VPS53: variants seen among roughly 807,000 people sequenced by gnomAD.
VPS53 encodes VPS53 subunit of GARP complex.
Under a neutral mutation model 107.0 loss-of-function variants are expected in VPS53, and 70 were observed. The observed-to-expected ratio is 0.65, with a 90% CI of 0.54 to 0.80. The LOEUF (loss-of-function observed/expected upper bound fraction) is 0.80. Ranked by LOEUF, VPS53 falls within the 30% of genes least tolerant of loss-of-function variation. The pLI is 0.00. For synonymous variants in VPS53, 409 were observed against 393.3 expected (o/e 1.04, Z -0.47); for missense variants, 917 against 1,049.4 (o/e 0.87, Z 1.74).
At chr17:610,772 T>A (rs202023368) in intron 11 of VPS53, among the ~76,000 whole-genome samples, 11,415 of 103,216 alleles carry the variant, frequency 0.11, 543 homozygotes, top group Non-Finnish European at 0.15. Flanking sequence ...AAAAAAAAAA[T>A]ACAAAAAATA....
chr17:653,062 C>T (rs972992388), intron 7 of VPS53, among the ~76,000 whole-genome samples: 6 of 152,236 alleles, frequency 3.9e-5, no homozygotes, highest in African/African-American at 1.2e-4. Flanking sequence ...GTTTAGCTGC[C>T]GGATCTGCGG....
rs570245375 is a variant in VPS53 at position 652,560 on chromosome 17, C to T, written c.608+731G>A. Among the ~76,000 whole-genome samples, 8 of 152,258 alleles carry T rather than the reference C, an allele frequency of 5.3e-5. No individual in the cohort carries two copies. The South Asian group carries it at 1.5e-3, about 28-fold the overall frequency. On this transcript the variant is annotated intron_variant, in intron 7 of 21. Coordinates refer to ENST00000437048, the MANE Select transcript of VPS53 (RefSeq NM_001128159.3). ...GCCCGTGGAAGACAACAAAGAATCC[C>T]AGCAACGGCCTGGCCAAGCTCCCAG...
At chr17:541,383 A>ATGTT (rs541409723) in intron 17 of VPS53, among the ~76,000 whole-genome samples, 91 of 152,334 alleles carry the variant, frequency 6.0e-4, no homozygotes, top group Non-Finnish European at 1.2e-3. Flanking sequence ...GGCTGAAGGA[A>ATGTT]TGTTTATCAA....
At chr17:635,372 T>C (rs563643821) in intron 7 of VPS53, among the ~76,000 whole-genome samples, 15 of 152,354 alleles carry the variant, frequency 9.8e-5, no homozygotes, top group African/African-American at 3.4e-4. Flanking sequence ...TCATAGTTTC[T>C]TTTGCTGTGC....
chr17:709,760 C>G (rs1416288968), intron 2 of VPS53, among the ~76,000 whole-genome samples: 2 of 152,218 alleles, frequency 1.3e-5, no homozygotes, highest in South Asian at 2.1e-4. Flanking sequence ...TGGTCTACTT[C>G]TCACCCAAAC....
chr17:696,077 T>TA (rs1398434365), intron 4 of VPS53, among the ~76,000 whole-genome samples: 5 of 151,750 alleles, frequency 3.3e-5, no homozygotes, highest in African/African-American at 9.7e-5. Context: ...TAACGAGGGC[T>TA]AAAAAAAATA....
At chr17:667,718 G>C (rs952597744) in intron 4 of VPS53, among the ~76,000 whole-genome samples, 2 of 151,426 alleles carry the variant, frequency 1.3e-5, no homozygotes, top group Non-Finnish European at 2.9e-5. Context: ...TTCTTGAATT[G>C]TTTAGTGCAG....
In VPS53 at chr17:653,397, G is replaced by A. The variant is rs781011484; in HGVS notation, c.502C>T (p.Arg168Ter). The change falls in exon 7 of 22, where the codon CGA becomes TGA. Residue 168 changes from arginine to a stop codon, truncating the protein, a stop_gained. Coordinates refer to ENST00000437048, the MANE Select transcript of VPS53 (RefSeq NM_001128159.3). LOFTEE classifies it high-confidence loss of function. The stretch of plus-strand genomic sequence containing the variant: ...TTAGCAACTTCTCCGTATTGTCTTC[G>A]CCTGGTCATGGCTCTGCAAGGAAAG... ...GVDSLEAMTR[R>*]RQYGEVANLL... 1.8e-5 allele frequency: 29 copies of A among 1,614,096 alleles called. No homozygotes were observed. Among genetic ancestry groups the A allele is most frequent in the South Asian group, 1.1e-5 (1 of 91,090 alleles).
At chr17:532,539 G>A (rs914871694) in intron 19 of VPS53, 34 of 414,002 alleles carry the variant, frequency 8.2e-5, no homozygotes, top group South Asian at 5.3e-4. Flanking sequence ...GGGTTACAGC[G>A]TGAGCCGCTG....
intron 4 of VPS53, among the ~76,000 whole-genome samples, chr17:691,724 G>A (rs1341948484): frequency 6.6e-6 from 1 of 152,170 alleles, no homozygotes; most frequent in Non-Finnish European, 1.5e-5. Flanking sequence ...TATCCATGCT[G>A]AATACAGCAC....
At chr17:576,883 G>A (rs560293294) in intron 13 of VPS53, among the ~76,000 whole-genome samples, 17 of 138,792 alleles carry the variant, frequency 1.2e-4, no homozygotes, top group Non-Finnish European at 2.6e-4. Context: ...AACCTAAAGC[G>A]TTCACAGAGA....
At chr17:544,741 T>C (rs540987609) in intron 17 of VPS53, among the ~76,000 whole-genome samples, 80 of 152,330 alleles carry the variant, frequency 5.3e-4, no homozygotes, top group Non-Finnish European at 8.4e-4. Context: ...AAGTGCTCAG[T>C]AAATAGTAAC....
intron 17 of VPS53, chr17:538,548 C>G (rs913967108): frequency 6.6e-6 from 1 of 152,188 alleles, no homozygotes; most frequent in African/African-American, 2.4e-5. Flanking sequence ...TCACATCGTA[C>G]GTGGATGATT....
intron 17 of VPS53, among the ~76,000 whole-genome samples, chr17:546,328 C>A (rs948182586): frequency 8.5e-6 from 1 of 117,774 alleles, no homozygotes; most frequent in Non-Finnish European, 1.7e-5. Context: ...TCTTAGATAT[C>A]TCACACACAC....
At position 573,072 on chromosome 17, in the gene VPS53, G is replaced by C. The variant is rs567439763; in HGVS notation, c.1314-10327C>G. 2.5e-4 allele frequency among the ~76,000 whole-genome samples: 38 copies of C among 152,290 alleles called. No individual in the cohort carries two copies. In the South Asian group the frequency reaches 2.7e-3, roughly 11 times the overall value. ...ATAAAATAATCAACAATGGTAATTA[G>C]TTTACAGACAGATGCTAGGCTCTAG... On this transcript the variant is annotated intron_variant, in intron 13 of 21. Coordinates refer to ENST00000437048, the MANE Select transcript of VPS53 (RefSeq NM_001128159.3).
intron 13 of VPS53, among the ~76,000 whole-genome samples, chr17:564,345 C>CTTGA (rs1555553121): frequency 6.6e-6 from 1 of 151,130 alleles, no homozygotes; most frequent in East Asian, 1.9e-4. Flanking sequence ...TCAAGACCAT[C>CTTGA]CTAACACGTT....
rs376733194 is a variant in VPS53 at position 671,302 on chromosome 17, G to T, written c.286-9407C>A. Among the ~76,000 whole-genome samples the T allele has an allele frequency of 1.5e-4, 22 of 147,730 alleles. 2 individuals carry two copies. Among genetic ancestry groups the T allele is most frequent in the African/African-American group, 5.5e-4 (22 of 40,152 alleles). On this transcript the variant is annotated intron_variant, in intron 4 of 21. Transcript: ENST00000437048. Reference sequence around the variant, plus strand: ...CAAAAAGAAGGAAGGAAGGGAGGGAGGAAGGAAAAAGAAAAAAAGAAAAGA... The same window carrying T: ...CAAAAAGAAGGAAGGAAGGGAGGGATGAAGGAAAAAGAAAAAAAGAAAAGA...
At chr17:535,438 A>C (rs1909973944) in intron 18 of VPS53, among the ~76,000 whole-genome samples, 1 of 136,186 alleles carries the variant, frequency 7.3e-6, no homozygotes, top group Non-Finnish European at 1.7e-5. Context: ...ATGTAAGCTC[A>C]ATCATATGAC....
At chr17:629,779 A>G (rs1404814718) in intron 8 of VPS53, among the ~76,000 whole-genome samples, 1 of 145,048 alleles carries the variant, frequency 6.9e-6, no homozygotes, top group African/African-American at 2.6e-5. Context: ...AAGAAAAGAA[A>G]AGAAAACTAA....
Sources: gnomAD v4.1 joint callset for allele counts (sites outside exome capture counted in the v4.1 genomes callset) on GRCh38, gnomAD v4.1.1 for gene constraint, MANE v1.5 for transcripts, NCBI Gene and HGNC (gene_info 2026-07-23, HGNC 2026-07-21) for gene names.